NXT1: variants seen among roughly 807,000 people sequenced by gnomAD.
NXT1 encodes the protein NTF2-related export protein 1.
Under a neutral mutation model 9.9 loss-of-function variants are expected in NXT1, and 3 were observed. That is an observed-to-expected ratio of 0.30 (90% CI 0.14 to 0.79). The LOEUF (loss-of-function observed/expected upper bound fraction) is 0.79, where lower values mean the gene tolerates loss of function less well. Ranked by LOEUF, NXT1 falls within the 30% of genes least tolerant of loss-of-function variation. The pLI is 0.63. For missense variants in NXT1, 91 were observed against 178.2 expected (o/e 0.51, Z 2.79); for synonymous variants, 53 against 66.5 (o/e 0.80, Z 0.99).
At chr20:23,353,379 G>T (rs1600520574) in intron 1 of NXT1, among the ~76,000 whole-genome samples, 2 of 152,188 alleles carry the variant, frequency 1.3e-5, no homozygotes, top group Admixed American at 6.5e-5. Context: ...CAGCACTTTG[G>T]GGGGCCGAGG....
At position 23,354,539 on chromosome 20, in the gene NXT1, T is replaced by A; in HGVS notation, c.*75T>A. 1 of 1,473,612 alleles carries A rather than the reference T, an allele frequency of 6.8e-7. No homozygotes were observed. 91.3% of individuals were successfully genotyped at this position (1,473,612 alleles called of 1,614,324 possible). A position where few individuals can be genotyped will look rare whatever the true frequency, so the allele number is the denominator to read the frequency against. On this transcript the variant is annotated 3_prime_UTR_variant, in exon 2 of 2. Transcript: ENST00000254998. ...AAATGCAAACCTCGACTCTCAAGGATGTGAGGAACACAAGTTCATTTCTGT... is the reference window on the plus strand; with the variant it reads ...AAATGCAAACCTCGACTCTCAAGGAAGTGAGGAACACAAGTTCATTTCTGT...
At chr20:23,352,212 T>A (rs1176265751) in intron 1 of NXT1, among the ~76,000 whole-genome samples, 2 of 152,246 alleles carry the variant, frequency 1.3e-5, no homozygotes, top group African/African-American at 4.8e-5. Flanking sequence ...TACACCATTT[T>A]ATCAGGGACT....
chr20:23,353,489 G>A (rs56830667), intron 1 of NXT1, among the ~76,000 whole-genome samples: 3,056 of 152,258 alleles, frequency 0.02, 83 homozygotes, highest in African/African-American at 0.07. Flanking sequence ...GCGTGGTGGC[G>A]GGCATCTGTA....
chr20:23,351,163 C>T lies in NXT1; in HGVS notation c.-62+102C>T, dbSNP rs1372043686. On this transcript the variant is annotated intron_variant, in intron 1 of 1. Coordinates refer to ENST00000254998, the MANE Select transcript of NXT1 (RefSeq NM_013248.3). ...GAATGAGACACGGCTGTGCCTTTGT[C>T]CACGTGGTAGAGTTGCCGCCGCGGT... 2.0e-5 allele frequency: 3 copies of T among 152,204 alleles called. No individual in the cohort carries two copies. The East Asian group carries it at 5.8e-4, about 30-fold the overall frequency. 9.4% of individuals were successfully genotyped at this position (152,204 alleles called of 1,614,324 possible).
intron 1 of NXT1, chr20:23,351,618 G>T (rs1980270305): frequency 6.6e-6 from 1 of 152,210 alleles, no homozygotes; most frequent in Admixed American, 6.5e-5. Context: ...GATGATGGGG[G>T]GACTGGTGCC....
chr20:23,354,767 T>A lies in NXT1; in HGVS notation c.*303T>A. 1 of 363,642 alleles carries A rather than the reference T, an allele frequency of 2.7e-6. No individual in the cohort carries two copies. Among genetic ancestry groups the A allele is most frequent in the Non-Finnish European group, 5.3e-6 (1 of 189,408 alleles). The allele number at this position is 363,642 out of a possible 1,614,324, so 22.5% of individuals were successfully genotyped here. On this transcript the variant is annotated 3_prime_UTR_variant, in exon 2 of 2. Transcript: ENST00000254998. Reference sequence around the variant, plus strand: ...AATAATTTAATAATACACATGTTGCTTCTTTCCCTGTCTGATGTGTTTGAC... The same window carrying A: ...AATAATTTAATAATACACATGTTGCATCTTTCCCTGTCTGATGTGTTTGAC...
intron 1 of NXT1, 102 bp from the exon 2 acceptor site, chr20:23,353,879 G>A: frequency 1.5e-6 from 1 of 679,350 alleles, no homozygotes; most frequent in South Asian, 1.9e-5. Flanking sequence ...TCTGCAGTCT[G>A]TAACTATTTT....
chr20:23,351,349 C>T (rs1980260928), intron 1 of NXT1: 1 of 152,298 alleles, frequency 6.6e-6, no homozygotes. Context: ...GGCCATGCCA[C>T]TGTGGTAGCT....
rs143547568 is a variant in NXT1 at position 23,353,314 on chromosome 20, G to C, written c.-61-667G>C. Among the ~76,000 whole-genome samples the C allele has an allele frequency of 5.9e-3, 893 of 152,326 alleles. 4 individuals carry two copies. The highest frequency in any genetic ancestry group is 0.051 in the Middle Eastern group (15 of 294). On this transcript the variant is annotated intron_variant, in intron 1 of 1. Transcript: ENST00000254998. ...CAGACCAAATCTGCTGATGCTCCAA[G>C]TCCTTGATATAAAATGGCGTTAAGG...
Position 23,354,564 on chromosome 20 carries a change from T to C in NXT1, c.*100T>C, listed in dbSNP as rs1980355714. ...TGTGAGGAACACAAGTTCATTTCTG[T>C]TGTTGCGGAGACACTGCAGACTCCA... On this transcript the variant is annotated 3_prime_UTR_variant, in exon 2 of 2. Coordinates refer to ENST00000254998, the MANE Select transcript of NXT1 (RefSeq NM_013248.3). 11 of 1,371,362 alleles carry C rather than the reference T, an allele frequency of 8.0e-6. No individual in the cohort carries two copies. The South Asian group carries it at 1.5e-4, about 18-fold the overall frequency. The allele number at this position is 1,371,362 out of a possible 1,614,324, so 84.9% of individuals were successfully genotyped here.
At chr20:23,352,343 C>T (rs556130525) in intron 1 of NXT1, among the ~76,000 whole-genome samples, 257 of 152,170 alleles carry the variant, frequency 1.7e-3, no homozygotes, top group Non-Finnish European at 2.9e-3. Context: ...CTGTGGAGGG[C>T]GTGGAAAGAC....
At chr20:23,353,795 C>A (rs1399412814) in intron 1 of NXT1, among the ~76,000 whole-genome samples, 186 bp from the exon 2 acceptor site, 1 of 152,194 alleles carries the variant, frequency 6.6e-6, no homozygotes, top group Non-Finnish European at 1.5e-5. Context: ...CCCATCTTAA[C>A]AGTGAGCAAA....
intron 1 of NXT1, among the ~76,000 whole-genome samples, chr20:23,352,719 A>G (rs1227777245): frequency 6.6e-6 from 1 of 152,082 alleles, no homozygotes; most frequent in African/African-American, 2.4e-5. Context: ...GGACTTTTTT[A>G]TTTGGGGGAC....
In NXT1 at chr20:23,352,043, T is replaced by C. The variant is rs1289426255; in HGVS notation, c.-62+982T>C. On this transcript the variant is annotated intron_variant, in intron 1 of 1. Coordinates refer to ENST00000254998, the MANE Select transcript of NXT1 (RefSeq NM_013248.3). ...CTTCAGAAAAAGAAAAATGCGTTTG[T>C]ACTGAACATGTAGAGGCTTTTTTTT... 2.0e-5 allele frequency among the ~76,000 whole-genome samples: 3 copies of C among 152,254 alleles called. No homozygotes were observed. In the East Asian group the frequency reaches 5.8e-4, roughly 29 times the overall value.
Position 23,354,411 on chromosome 20 carries a change from A to G in NXT1, c.370A>G (p.Thr124Ala), listed in dbSNP as rs757575367. ...GACCGCCCAGGCCTCACCCAGCAAC[A>G]CAGTGTGGAAGATCGCAAGTGACTG... ...ILTAQASPSN[T>A]VWKIASDCFR... Residue 124 changes from threonine (T) to alanine (A), a missense_variant, in exon 2 of 2, where the codon ACA becomes GCA. Coordinates refer to ENST00000254998, the MANE Select transcript of NXT1 (RefSeq NM_013248.3). The G allele has an allele frequency of 6.8e-6, 11 of 1,614,044 alleles. No homozygotes were observed. The African/African-American group carries it at 1.3e-4, about 20-fold the overall frequency.
chr20:23,352,527 C>A (rs1195328074), intron 1 of NXT1, among the ~76,000 whole-genome samples: 2 of 146,670 alleles, frequency 1.4e-5, no homozygotes, highest in African/African-American at 5.4e-5. Context: ...AAAAAAAAGT[C>A]TTTTTTTTGA....
chr20:23,350,822 G>C lies in NXT1; in HGVS notation c.-301G>C, dbSNP rs925321382. The C allele has an allele frequency of 1.3e-5, 2 of 152,250 alleles. No homozygotes were observed. The highest frequency in any genetic ancestry group is 4.8e-5 in the African/African-American group (2 of 41,470). 9.4% of individuals were successfully genotyped at this position (152,250 alleles called of 1,614,324 possible). ...GCGTGGAGACCGGCTGGCCGCGCGC[G>C]GGAAGCCGCGGAACTGCGCCGGAAA... On this transcript the variant is annotated 5_prime_UTR_variant, in exon 1 of 2. Coordinates refer to ENST00000254998, the MANE Select transcript of NXT1 (RefSeq NM_013248.3).
rs942338685 is a variant in NXT1, at chr20:23,350,831, C to T, written c.-292C>T. 2 of 152,242 alleles carry T rather than the reference C, an allele frequency of 1.3e-5. No individual in the cohort carries two copies. The highest frequency in any genetic ancestry group is 1.9e-4 in the East Asian group (1 of 5,164). 9.4% of individuals were successfully genotyped at this position (152,242 alleles called of 1,614,324 possible). On this transcript the variant is annotated 5_prime_UTR_variant, in exon 1 of 2. Transcript: ENST00000254998. ...CCGGCTGGCCGCGCGCGGGAAGCCG[C>T]GGAACTGCGCCGGAAAGTCCCCCGG...
chr20:23,353,891 C>A, intron 1 of NXT1, 90 bp from the exon 2 acceptor site: 1 of 724,490 alleles, frequency 1.4e-6, no homozygotes. Flanking sequence ...AACTATTTTG[C>A]CAGTAGTAGA....
Sources: gnomAD v4.1 joint callset for allele counts (sites outside exome capture counted in the v4.1 genomes callset) on GRCh38, gnomAD v4.1.1 for gene constraint, MANE v1.5 for transcripts, NCBI Gene and HGNC (gene_info 2026-07-23, HGNC 2026-07-21) for gene names.